The following GNS variants were observed in gnomAD, a reference collection of about 807,000 sequenced individuals.
The protein encoded by GNS is glucosamine (N-acetyl)-6-sulfatase.
A neutral mutation model predicts 69.7 loss-of-function variants in GNS; 40 were observed. The observed-to-expected ratio is 0.57, with a 90% CI of 0.45 to 0.75. The LOEUF is 0.75. GNS is among the 30% of genes least tolerant of loss of function. The pLI, the probability that GNS is intolerant of heterozygous loss-of-function variation, is 0.00. For synonymous variants in GNS, 243 were observed against 251.6 expected (o/e 0.97, Z 0.32); for missense variants, 565 against 685.5 (o/e 0.82, Z 1.96).
In GNS at chr12:64,715,225, T is replaced by A. The variant is rs1054301221; in HGVS notation, c.*1516A>T. The stretch of plus-strand genomic sequence containing the variant: ...TTTTTGAGCCAAGAAACATAAAAAT[T>A]TAGGTGTTCTTAGCCAAGCGTGGTG... On this transcript the variant is annotated 3_prime_UTR_variant, in exon 14 of 14. Coordinates refer to ENST00000258145, the MANE Select transcript of GNS (RefSeq NM_002076.4). 5.9e-5 allele frequency: 9 copies of A among 152,090 alleles called. No individual in the cohort carries two copies. The highest frequency in any genetic ancestry group is 2.2e-4 in the African/African-American group (9 of 41,390). The allele number at this position is 152,090 out of a possible 1,614,324, so 9.4% of individuals were successfully genotyped here.
intron 10 of GNS, among the ~76,000 whole-genome samples, chr12:64,724,352 C>G (rs1234074958): frequency 1.3e-5 from 2 of 152,166 alleles, no homozygotes; most frequent in Non-Finnish European, 2.9e-5. Flanking sequence ...CTGGGGAATG[C>G]CTGTTTGAGA....
At chr12:64,757,797 A>G (rs1201587936) in intron 1 of GNS, among the ~76,000 whole-genome samples, 1 of 152,202 alleles carries the variant, frequency 6.6e-6, no homozygotes, top group East Asian at 1.9e-4. Flanking sequence ...CACTAAACTG[A>G]TTTCATAACT....
intron 1 of GNS, among the ~76,000 whole-genome samples, 168 bp downstream of exon 1, chr12:64,758,917 A>G (rs1870370308): frequency 6.6e-6 from 1 of 152,234 alleles, no homozygotes; most frequent in South Asian, 2.1e-4. Context: ...GGAAAAGAGT[A>G]TTGCAGTCCC....
intron 1 of GNS, among the ~76,000 whole-genome samples, chr12:64,757,838 G>T (rs2136257185): frequency 6.6e-6 from 1 of 152,314 alleles, no homozygotes; most frequent in Admixed American, 6.5e-5. Flanking sequence ...AGGTTTGAAG[G>T]ACACTGAGCT....
At chr12:64,724,775 T>C (rs554742502) in intron 10 of GNS, among the ~76,000 whole-genome samples, 46 of 152,174 alleles carry the variant, frequency 3.0e-4, no homozygotes, top group Non-Finnish European at 5.6e-4. Context: ...GCAGGATAAT[T>C]GCTTGAACCC....
intron 12 of GNS, among the ~76,000 whole-genome samples, chr12:64,720,698 T>C (rs767233920): frequency 3.9e-5 from 6 of 152,228 alleles, no homozygotes; most frequent in Admixed American, 6.5e-5. Flanking sequence ...TGTGGATATA[T>C]TGGGGAAGGA....
chr12:64,747,682 A>AT (rs1869937173), intron 3 of GNS, 30 bp downstream of exon 3: 3 of 1,146,478 alleles, frequency 2.6e-6, no homozygotes, highest in Non-Finnish European at 2.7e-6. Flanking sequence ...AAAAGCCATT[A>AT]TAAAAAAAGA....
intron 9 of GNS, among the ~76,000 whole-genome samples, chr12:64,732,957 A>C (rs1348105047): frequency 6.6e-6 from 1 of 152,170 alleles, no homozygotes; most frequent in Non-Finnish European, 1.5e-5. Flanking sequence ...TTAGGATTTA[A>C]GTATATAAAT....
At chr12:64,752,671 C>T in intron 2 of GNS, 27 bp downstream of exon 2, 4 of 1,181,020 alleles carry the variant, frequency 3.4e-6, no homozygotes, top group Non-Finnish European at 3.8e-6. Context: ...GTTAAATTAA[C>T]AAAATTGAAT....
At chr12:64,746,330 CTTA>C (rs1869898066) in intron 3 of GNS, 1 of 152,916 alleles carries the variant, frequency 6.5e-6, no homozygotes, top group Non-Finnish European at 1.5e-5. Flanking sequence ...AAGCTATTGA[CTTA>C]TTATAAGTTG....
chr12:64,739,052 T>C (rs926769228), intron 8 of GNS, among the ~76,000 whole-genome samples: 2 of 152,164 alleles, frequency 1.3e-5, no homozygotes, highest in Non-Finnish European at 2.9e-5. Flanking sequence ...ATTCCATGAA[T>C]GGCAAGAAAG....
At chr12:64,732,236 C>CAGCAGT (rs1869423613) in intron 9 of GNS, among the ~76,000 whole-genome samples, 1 of 145,352 alleles carries the variant, frequency 6.9e-6, no homozygotes, top group Non-Finnish European at 1.5e-5. Context: ...AGCACGATCT[C>CAGCAGT]AGCTCACTGC....
intron 13 of GNS, among the ~76,000 whole-genome samples, chr12:64,717,287 G>GA (rs1442532256): frequency 6.6e-6 from 1 of 152,102 alleles, no homozygotes; most frequent in Non-Finnish European, 1.5e-5. Context: ...AATAAGGAAA[G>GA]AAAAAAATCA....
At chr12:64,755,353 G>C (rs941397646) in intron 1 of GNS, among the ~76,000 whole-genome samples, 1 of 151,978 alleles carries the variant, frequency 6.6e-6, no homozygotes, top group African/African-American at 2.4e-5. Context: ...TGAAGTGGGC[G>C]GATCACTTGA....
Position 64,747,740 on chromosome 12 carries a change from G to T in GNS, c.431C>A (p.Thr144Asn). The change falls in exon 3 of 14, where the codon ACC becomes AAC. Residue 144 changes from threonine to asparagine, a missense_variant. Coordinates refer to ENST00000258145, the MANE Select transcript of GNS (RefSeq NM_002076.4). ...AILRSMCGYQ[T>N]FFAGKYLNEY... ...ATTTAAATATTTCCCTGCAAAAAAG[G>T]TCTGATAACCACACATTGATCTGAG... 1 of 1,608,816 alleles carries T rather than the reference G, an allele frequency of 6.2e-7. No individual in the cohort carries two copies. The highest frequency in any genetic ancestry group is 8.5e-7 in the Non-Finnish European group (1 of 1,175,180).
chr12:64,738,424 G>C (rs894971888), intron 8 of GNS, among the ~76,000 whole-genome samples: 2 of 152,162 alleles, frequency 1.3e-5, no homozygotes, highest in Non-Finnish European at 2.9e-5. Flanking sequence ...AAAAACACAG[G>C]GAGAGTAGGA....
At chr12:64,748,012 T>C in intron 2 of GNS, 94 bp from the exon 3 acceptor site, 1 of 763,580 alleles carries the variant, frequency 1.3e-6, no homozygotes, top group Middle Eastern at 3.3e-4. Context: ...TCCTTAATAC[T>C]CTAACTTCAA....
At chr12:64,757,466 G>C (rs187540124) in intron 1 of GNS, among the ~76,000 whole-genome samples, 1 of 152,244 alleles carries the variant, frequency 6.6e-6, no homozygotes, top group East Asian at 1.9e-4. Flanking sequence ...AGTAAGTGCA[G>C]TAGTTGGAAG....
Position 64,747,780 on chromosome 12 carries a change from T to C in GNS, c.391A>G (p.Thr131Ala). 1.9e-6 allele frequency: 3 copies of C among 1,612,750 alleles called. No individual in the cohort carries two copies. Among genetic ancestry groups the C allele is most frequent in the Non-Finnish European group, 2.5e-6 (3 of 1,178,818 alleles). Residue 131 changes from threonine to alanine, a missense_variant, in exon 3 of 14, where the codon ACT (threonine) becomes GCT (alanine). Coordinates refer to ENST00000258145, the MANE Select transcript of GNS (RefSeq NM_002076.4). ...KSWQKIQEPN[T>A]FPAILRSMCG... The stretch of plus-strand genomic sequence containing the variant: ...ATTGATCTGAGAATTGCTGGGAAAG[T>C]ATTTGGTTCTTGGATCTTCTGCCAG...
Sources: allele counts gnomAD v4.1 joint callset (sites outside exome capture counted in the v4.1 genomes callset), GRCh38; gene constraint gnomAD v4.1.1; transcripts MANE v1.5; gene names NCBI Gene and HGNC (gene_info 2026-07-23, HGNC 2026-07-21).